CFAP69: variants seen among roughly 807,000 people sequenced by gnomAD.
CFAP69 encodes the protein cilia- and flagella-associated protein 69.
In CFAP69, 92 loss-of-function variants were observed where a neutral mutation model predicts 123.0. The ratio of observed to expected loss-of-function variants is 0.75; its 90% CI spans 0.63 to 0.89. CFAP69 has a LOEUF of 0.89. Among genes scored for constraint, CFAP69 ranks in the 40% least tolerant of loss-of-function variants. The pLI is 0.00. For synonymous variants in CFAP69, 380 were observed against 364.3 expected, an observed-to-expected ratio of 1.04 and a Z score of -0.49; for missense variants, 1,067 against 1,096.9, an observed-to-expected ratio of 0.97 and a Z score of 0.39.
At chr7:90,262,945 A>G (rs1798530867) in intron 4 of CFAP69, among the ~76,000 whole-genome samples, 1 of 152,138 alleles carries the variant, frequency 6.6e-6, no homozygotes, top group Non-Finnish European at 1.5e-5. Flanking sequence ...GAATGCCTAT[A>G]CCATGCCTTG....
At chr7:90,274,776 G>A (rs1037762093) in intron 9 of CFAP69, among the ~76,000 whole-genome samples, 8 of 152,106 alleles carry the variant, frequency 5.3e-5, no homozygotes, top group African/African-American at 9.7e-5. Context: ...TAGCAGTTTC[G>A]AAATGATGTG....
chr7:90,279,658 C>CCTTTGTT lies in CFAP69; in HGVS notation c.1156-14_1156-8dup. On this transcript the variant is annotated intron_variant, in intron 11 of 22. Coordinates refer to ENST00000389297, the MANE Select transcript of CFAP69 (RefSeq NM_001039706.3). ...TTTGGCTATGTTTCTAACAAAGTAT[C>CCTTTGTT]CTTTGTTCTTTCTCACAGCTATTAA... 6.7e-7 allele frequency: 1 copy of CCTTTGTT among 1,493,444 alleles called. No individual in the cohort carries two copies. Among genetic ancestry groups the CCTTTGTT allele is most frequent in the East Asian group, 2.3e-5 (1 of 43,018 alleles). The allele number at this position is 1,493,444 out of a possible 1,614,324, so 92.5% of individuals were successfully genotyped here. A position where few individuals can be genotyped will look rare whatever the true frequency, so the allele number is the denominator to read the frequency against.
chr7:90,251,578 C>A (rs1797010253), intron 1 of CFAP69, among the ~76,000 whole-genome samples: 1 of 152,112 alleles, frequency 6.6e-6, no homozygotes, highest in African/African-American at 2.4e-5. Context: ...CCTTGTGTTA[C>A]ATACAAAGCC....
chr7:90,267,843 G>T (rs949858439), intron 5 of CFAP69, among the ~76,000 whole-genome samples: 1 of 152,188 alleles, frequency 6.6e-6, no homozygotes, highest in African/African-American at 2.4e-5. Context: ...CAACATGCTA[G>T]ATGCTTTTCT....
At chr7:90,296,563 G>A (rs923694870) in intron 15 of CFAP69, among the ~76,000 whole-genome samples, 1 of 151,806 alleles carries the variant, frequency 6.6e-6, no homozygotes, top group African/African-American at 2.4e-5. Flanking sequence ...CCTGACCTCA[G>A]GTGATCCACC....
chr7:90,254,828 T>A (rs1334977390), intron 1 of CFAP69, among the ~76,000 whole-genome samples: 1 of 152,120 alleles, frequency 6.6e-6, no homozygotes, highest in East Asian at 1.9e-4. Flanking sequence ...TAGAGGATGG[T>A]GTTGAAGGGT....
intron 15 of CFAP69, among the ~76,000 whole-genome samples, chr7:90,295,310 T>C (rs1047987179): frequency 6.6e-6 from 1 of 152,094 alleles, no homozygotes; most frequent in East Asian, 1.9e-4. Flanking sequence ...TCGGTCAAGT[T>C]TCCTTGCTTT....
In CFAP69 at chr7:90,275,370, G is replaced by C. The variant is rs17863060; in HGVS notation, c.984+1260G>C. Among the ~76,000 whole-genome samples, 1,422 of 152,138 alleles carry C rather than the reference G, an allele frequency of 9.3e-3. 17 individuals are homozygous for C. Among genetic ancestry groups the C allele is most frequent in the Non-Finnish European group, 0.013 (869 of 68,010 alleles). On this transcript the variant is annotated intron_variant, in intron 9 of 22. Transcript: ENST00000389297. ...GGATGCTTGAGTATTCTCTGCACTT[G>C]TGTGGTTCAGCTATCAGCCAGATAT...
At chr7:90,275,717 T>C (rs1788509382) in intron 9 of CFAP69, among the ~76,000 whole-genome samples, 1 of 141,122 alleles carries the variant, frequency 7.1e-6, no homozygotes, top group Admixed American at 7.5e-5. Flanking sequence ...TTCTCCTGCC[T>C]CAGTCTCCTG....
intron 12 of CFAP69, among the ~76,000 whole-genome samples, chr7:90,282,193 A>C (rs1310298187): frequency 6.6e-6 from 1 of 151,216 alleles, no homozygotes; most frequent in Non-Finnish European, 1.5e-5. Flanking sequence ...TCTCTTAAAA[A>C]AAAAAAGCAG....
At chr7:90,314,871 C>CA (rs577718677), downstream of CFAP69, among the ~76,000 whole-genome samples, 86 of 151,692 alleles carry the variant, frequency 5.7e-4, no homozygotes, top group East Asian at 0.016. Context: ...CGCTCCCCCC[C>CA]CTGCTTTAAA....
At chr7:90,283,221 A>T (rs1472575017) in intron 13 of CFAP69, among the ~76,000 whole-genome samples, 165 bp downstream of exon 13, 3 of 152,184 alleles carry the variant, frequency 2.0e-5, no homozygotes, top group Non-Finnish European at 1.5e-5. Flanking sequence ...AGTGTGTCTT[A>T]TTGAAATATC....
chr7:90,275,901 C>T (rs1055883731), intron 9 of CFAP69: 1 of 152,090 alleles, frequency 6.6e-6, no homozygotes, highest in Admixed American at 6.6e-5. Context: ...CGCGCCCGGC[C>T]CCAAAAGCCT....
At chr7:90,291,498 G>T (rs143608661) in intron 15 of CFAP69, among the ~76,000 whole-genome samples, 6 of 152,246 alleles carry the variant, frequency 3.9e-5, no homozygotes, top group Non-Finnish European at 8.8e-5. Flanking sequence ...GACTTAGAAT[G>T]CCGTGACCAT....
At position 90,245,188 on chromosome 7, in the gene CFAP69, TTG is replaced by T; in HGVS notation, c.-233_-232del. The T allele has an allele frequency of 2.4e-6, 1 of 422,940 alleles. No homozygotes were observed. The highest frequency in any genetic ancestry group is 4.0e-6 in the Non-Finnish European group (1 of 249,668). 26.2% of individuals were successfully genotyped at this position (422,940 alleles called of 1,614,324 possible). A position where few individuals can be genotyped will look rare whatever the true frequency, so the allele number is the denominator to read the frequency against. On this transcript the variant is annotated 5_prime_UTR_variant, in exon 1 of 23. Coordinates refer to ENST00000389297, the MANE Select transcript of CFAP69 (RefSeq NM_001039706.3). ...CCCCGCCCCCTAGCAACGCGCTGGC[TTG>T]TGTTAACAACCGGCCCGGGATCAGA... is the stretch of plus-strand genomic sequence containing the variant.
At chr7:90,247,084 A>C (rs933444113) in intron 1 of CFAP69, among the ~76,000 whole-genome samples, 1 of 152,172 alleles carries the variant, frequency 6.6e-6, no homozygotes, top group African/African-American at 2.4e-5. Context: ...CTGAGGAAAA[A>C]GGTAGTTTCT....
intron 13 of CFAP69, among the ~76,000 whole-genome samples, chr7:90,285,753 T>C (rs139818379): frequency 2.5e-3 from 380 of 152,296 alleles, no homozygotes; most frequent in African/African-American, 8.6e-3. Flanking sequence ...AAGGCACTCA[T>C]TTCCTACCTC....
chr7:90,315,700 G>A (rs1057387304), downstream of CFAP69, among the ~76,000 whole-genome samples: 6 of 152,196 alleles, frequency 3.9e-5, no homozygotes, highest in African/African-American at 7.2e-5. Context: ...ACAAACCCCC[G>A]TGAAATGAGT....
chr7:90,278,934 T>C (rs1334482128), intron 11 of CFAP69, among the ~76,000 whole-genome samples: 1 of 152,136 alleles, frequency 6.6e-6, no homozygotes, highest in Non-Finnish European at 1.5e-5. Context: ...AAAATCTTTA[T>C]AGAATAATGC....
Sources: allele counts gnomAD v4.1 joint callset (sites outside exome capture counted in the v4.1 genomes callset), GRCh38; gene constraint gnomAD v4.1.1; transcripts MANE v1.5; gene names NCBI Gene and HGNC (gene_info 2026-07-23, HGNC 2026-07-21).